Variants in COL5A2 observed in about 807,000 individuals in gnomAD.
COL5A2 encodes collagen type V alpha 2 chain.
In COL5A2, 23 loss-of-function variants were observed where a neutral mutation model predicts 208.2. That is an observed-to-expected ratio of 0.11 (90% CI 0.08 to 0.16). The LOEUF (loss-of-function observed/expected upper bound fraction) is 0.16, where lower values mean the gene tolerates loss of function less well. COL5A2 is among the 10% of genes least tolerant of loss of function. The pLI, the probability that COL5A2 is intolerant of heterozygous loss-of-function variation, is 1.00. For synonymous variants in COL5A2, 625 were observed against 628.5 expected, an observed-to-expected ratio of 0.99 and a Z score of 0.08; for missense variants, 1,590 against 1,956.4, an observed-to-expected ratio of 0.81 and a Z score of 3.53.
At chr2:189,354,685 T>G in the COL5A2 span, among the ~76,000 whole-genome samples, 1 of 152,210 alleles carries the variant, frequency 6.6e-6, no homozygotes, top group Non-Finnish European at 1.5e-5. Context: ...GCTTTATTAG[T>G]CTTGCTGGCA....
intron 1 of COL5A2, among the ~76,000 whole-genome samples, chr2:189,136,644 T>TG (rs1687832951): frequency 1.3e-5 from 2 of 151,154 alleles, no homozygotes; most frequent in African/African-American, 4.8e-5. Context: ...ATATGGAGAG[T>TG]GGGGAAAAGA....
At chr2:189,413,994 G>A in the COL5A2 span, among the ~76,000 whole-genome samples, 6 of 151,954 alleles carry the variant, frequency 3.9e-5, no homozygotes, top group Non-Finnish European at 5.9e-5. Flanking sequence ...GTTTCACCAT[G>A]TTGGCCAGGC....
At chr2:189,433,701 A>T in the COL5A2 span, among the ~76,000 whole-genome samples, 2 of 152,184 alleles carry the variant, frequency 1.3e-5, no homozygotes, top group Non-Finnish European at 2.9e-5. Flanking sequence ...TAGCTTACCA[A>T]TCAAAAAAAG....
chr2:189,411,234 A>G, the COL5A2 span, among the ~76,000 whole-genome samples: 2 of 152,142 alleles, frequency 1.3e-5, no homozygotes, highest in East Asian at 3.8e-4. Flanking sequence ...AGAAATATAG[A>G]TTGGCTCTTC....
Position 189,074,676 on chromosome 2 carries a change from C to A in COL5A2, c.1104+717G>T, listed in dbSNP as rs570378400. 2.0e-5 allele frequency among the ~76,000 whole-genome samples: 3 copies of A among 152,280 alleles called. No individual in the cohort carries two copies. The South Asian group carries it at 6.2e-4, about 32-fold the overall frequency. On this transcript the variant is annotated intron_variant, in intron 17 of 53. Coordinates refer to ENST00000374866, the MANE Select transcript of COL5A2 (RefSeq NM_000393.5). ...TATGCTGTTCCTCTTTCTTTATTTC[C>A]AATTTCAGATAAATTACATCATCCA...
At chr2:189,435,253 G>A in the COL5A2 span, among the ~76,000 whole-genome samples, 5 of 152,250 alleles carry the variant, frequency 3.3e-5, no homozygotes, top group South Asian at 6.2e-4. Flanking sequence ...TACCATTCAC[G>A]ACATAGGCAT....
chr2:189,440,070 TTATTAAA>T, the COL5A2 span, among the ~76,000 whole-genome samples: 1 of 152,200 alleles, frequency 6.6e-6, no homozygotes, highest in Admixed American at 6.5e-5. Context: ...TAAACCAAAA[TTATTAAA>T]TATCTCCCTT....
At chr2:189,232,001 A>C in the COL5A2 span, among the ~76,000 whole-genome samples, 2 of 151,804 alleles carry the variant, frequency 1.3e-5, no homozygotes, top group Non-Finnish European at 1.5e-5. Flanking sequence ...GTCCTGCTCC[A>C]TTTGGGCATG....
chr2:189,177,966 G>C (rs1688707512), intron 1 of COL5A2, among the ~76,000 whole-genome samples: 1 of 151,996 alleles, frequency 6.6e-6, no homozygotes, highest in South Asian at 2.1e-4. Flanking sequence ...ATTAAAGTTG[G>C]TTGTTTTGGT....
chr2:189,313,028 A>G, the COL5A2 span, among the ~76,000 whole-genome samples: 1 of 152,148 alleles, frequency 6.6e-6, no homozygotes, highest in Non-Finnish European at 1.5e-5. Context: ...CCAACCTGAC[A>G]GAGCTGAAAA....
At chr2:189,234,813 G>A in the COL5A2 span, among the ~76,000 whole-genome samples, 1 of 151,652 alleles carries the variant, frequency 6.6e-6, no homozygotes, top group East Asian at 1.9e-4. Context: ...TTTAAGGTAA[G>A]GAATTAATGG....
At chr2:189,259,932 T>C in the COL5A2 span, among the ~76,000 whole-genome samples, 1 of 152,042 alleles carries the variant, frequency 6.6e-6, no homozygotes, top group Non-Finnish European at 1.5e-5. Context: ...AGGTCCCAGG[T>C]ACTACACAGG....
the COL5A2 span, among the ~76,000 whole-genome samples, chr2:189,301,790 G>A: frequency 2.6e-5 from 4 of 152,062 alleles, no homozygotes; most frequent in Admixed American, 6.6e-5. Flanking sequence ...TCATATTGTT[G>A]TATCTTTCTT....
chr2:189,063,416 T>C, intron 26 of COL5A2, 146 bp from the exon 27 acceptor site: 2 of 722,822 alleles, frequency 2.8e-6, no homozygotes, highest in East Asian at 2.7e-5. Context: ...GACAGTTGAA[T>C]GGGTTTTTTA....
chr2:189,414,428 A>G, the COL5A2 span, among the ~76,000 whole-genome samples: 2 of 152,044 alleles, frequency 1.3e-5, no homozygotes, highest in Non-Finnish European at 2.9e-5. Context: ...ACAGCTTTCA[A>G]ACTGCTTTCT....
chr2:189,383,887 A>G, the COL5A2 span, among the ~76,000 whole-genome samples: 1 of 152,046 alleles, frequency 6.6e-6, no homozygotes, highest in Non-Finnish European at 1.5e-5. Flanking sequence ...CTCATTAACT[A>G]AACACTCTTT....
At chr2:189,419,817 G>T in the COL5A2 span, among the ~76,000 whole-genome samples, 1 of 149,618 alleles carries the variant, frequency 6.7e-6, no homozygotes. Context: ...GAAAAGAAAA[G>T]AAAAGAGAGG....
chr2:189,290,490 T>G, the COL5A2 span, among the ~76,000 whole-genome samples: 1 of 152,178 alleles, frequency 6.6e-6, no homozygotes, highest in African/African-American at 2.4e-5. Flanking sequence ...AGTAGTCAAA[T>G]ACGTTGAAGA....
In COL5A2 at chr2:189,058,137, A is replaced by G. The variant is rs147898949; in HGVS notation, c.2229+292T>C. 2.4e-3 allele frequency among the ~76,000 whole-genome samples: 360 copies of G among 152,334 alleles called. 1 individual carries two copies. Among genetic ancestry groups the G allele is most frequent in the Non-Finnish European group, 4.6e-3 (311 of 68,022 alleles). ...CTATTTCTTTCCTCTGTTTATTCAT[A>G]GAAGCCACTAATAAAATGTACATAA... On this transcript the variant is annotated intron_variant, in intron 33 of 53. Transcript: ENST00000374866.
Sources: gnomAD v4.1 joint callset for allele counts (sites outside exome capture counted in the v4.1 genomes callset) on GRCh38, gnomAD v4.1.1 for gene constraint, MANE v1.5 for transcripts, NCBI Gene and HGNC (gene_info 2026-07-23, HGNC 2026-07-21) for gene names.